The following TLK1 variants were observed in gnomAD, a reference collection of about 807,000 sequenced individuals.
TLK1 encodes serine/threonine-protein kinase tousled-like 1.
In TLK1, 24 loss-of-function variants were observed where a neutral mutation model predicts 105.3. The observed-to-expected ratio is 0.23, with a 90% CI of 0.17 to 0.32. The LOEUF (loss-of-function observed/expected upper bound fraction) is 0.32, where lower values mean the gene tolerates loss of function less well. TLK1 is among the 10% of genes least tolerant of loss of function. The pLI, the probability that TLK1 is intolerant of heterozygous loss-of-function variation, is 1.00. For synonymous variants in TLK1, 321 were observed against 310.4 expected (o/e 1.03, Z -0.36); for missense variants, 558 against 910.5 (o/e 0.61, Z 4.98).
intron 5 of TLK1, among the ~76,000 whole-genome samples, chr2:171,057,327 A>G (rs756580365): frequency 1.3e-5 from 2 of 152,058 alleles, no homozygotes; most frequent in Non-Finnish European, 2.9e-5. Flanking sequence ...CATGTTCATT[A>G]AACAACTTCC....
chr2:171,033,204 T>TCAAAA (rs369758345), intron 11 of TLK1, among the ~76,000 whole-genome samples: 71 of 151,938 alleles, frequency 4.7e-4, no homozygotes, highest in Non-Finnish European at 6.9e-4. Flanking sequence ...AGACCCTGTC[T>TCAAAA]CAAAACAAAA....
chr2:171,110,958 A>G (rs1449386138), intron 2 of TLK1, among the ~76,000 whole-genome samples: 3 of 152,324 alleles, frequency 2.0e-5, no homozygotes, highest in Non-Finnish European at 2.9e-5. Flanking sequence ...TTCTATATAC[A>G]AGTAAATAAA....
intron 14 of TLK1, among the ~76,000 whole-genome samples, chr2:171,007,505 T>C (rs935254219): frequency 1.3e-5 from 2 of 151,994 alleles, no homozygotes; most frequent in Non-Finnish European, 2.9e-5. Flanking sequence ...ATTAAAAAGT[T>C]CCTAACAGTT....
intron 2 of TLK1, among the ~76,000 whole-genome samples, chr2:171,113,161 A>G (rs997518487): frequency 3.3e-5 from 5 of 152,194 alleles, no homozygotes; most frequent in Admixed American, 6.6e-5. Context: ...CCAAAATATG[A>G]TAATATTTTT....
At chr2:171,228,101 A>G (rs1158046519) in intron 1 of TLK1, among the ~76,000 whole-genome samples, 1 of 152,182 alleles carries the variant, frequency 6.6e-6, no homozygotes, top group Non-Finnish European at 1.5e-5. Flanking sequence ...ACTTGAACCC[A>G]GGAGGCAGAG....
intron 1 of TLK1, among the ~76,000 whole-genome samples, chr2:171,120,248 G>GAAAAAAAAAAAAAAAAA (rs71008751): frequency 2.1e-5 from 1 of 47,048 alleles, no homozygotes; most frequent in Non-Finnish European, 3.8e-5. Context: ...GACTCCGTCA[G>GAAAAAAAAAAAAAAAAA]AAAAAAAAAA....
intron 1 of TLK1, among the ~76,000 whole-genome samples, chr2:171,224,496 C>T (rs1275059496): frequency 6.6e-6 from 1 of 151,918 alleles, no homozygotes; most frequent in South Asian, 2.1e-4. Flanking sequence ...TGCATTGAAA[C>T]TTTAGACTGC....
intron 1 of TLK1, among the ~76,000 whole-genome samples, chr2:171,215,152 G>A (rs1000081113): frequency 6.6e-6 from 1 of 152,048 alleles, no homozygotes; most frequent in Non-Finnish European, 1.5e-5. Flanking sequence ...TGTTGCCCAG[G>A]CTAGTCTCAA....
intron 10 of TLK1, among the ~76,000 whole-genome samples, chr2:171,047,089 TG>T: frequency 6.6e-6 from 1 of 151,908 alleles, no homozygotes; most frequent in Admixed American, 6.6e-5. Context: ...CTCTGAAAAA[TG>T]GGAAAGTAAC....
At chr2:171,003,719 TAC>T (rs1434111537) in intron 18 of TLK1, among the ~76,000 whole-genome samples, 2 of 152,246 alleles carry the variant, frequency 1.3e-5, no homozygotes, top group Non-Finnish European at 2.9e-5. Context: ...ATTATTACAG[TAC>T]ACAGTATGTG....
intron 1 of TLK1, among the ~76,000 whole-genome samples, chr2:171,182,437 A>G (rs1055208542): frequency 6.6e-6 from 1 of 152,176 alleles, no homozygotes; most frequent in Non-Finnish European, 1.5e-5. Context: ...AATTAGCTTC[A>G]CTTCTATGAT....
chr2:171,176,203 G>A (rs1441649042), intron 1 of TLK1, among the ~76,000 whole-genome samples: 1 of 152,166 alleles, frequency 6.6e-6, no homozygotes, highest in Non-Finnish European at 1.5e-5. Context: ...GCCTCCCGAA[G>A]TGTTGGGATC....
At chr2:171,165,332 A>G (rs75069704), upstream of TLK1, among the ~76,000 whole-genome samples, 464 of 152,336 alleles carry the variant, frequency 3.0e-3, 4 homozygotes, top group African/African-American at 0.01. Context: ...ATGACGATCA[A>G]TGAGCTGGGT....
chr2:171,118,704 G>A (rs1211153111), intron 1 of TLK1, among the ~76,000 whole-genome samples: 2 of 152,168 alleles, frequency 1.3e-5, no homozygotes, highest in Non-Finnish European at 2.9e-5. Context: ...CCCCAGAAGT[G>A]ACATAAATGA....
At chr2:171,141,436 C>T (rs1015670919) in intron 1 of TLK1, among the ~76,000 whole-genome samples, 15 of 152,134 alleles carry the variant, frequency 9.9e-5, no homozygotes, top group African/African-American at 2.7e-4. Flanking sequence ...TGCAGTCCTA[C>T]GTCACAGTTA....
At chr2:171,220,342 T>C (rs1270949461) in intron 1 of TLK1, among the ~76,000 whole-genome samples, 1 of 152,190 alleles carries the variant, frequency 6.6e-6, no homozygotes, top group Non-Finnish European at 1.5e-5. Flanking sequence ...CTCTTGATAT[T>C]CATGCCTTTT....
In TLK1 at chr2:171,012,619, T is replaced by C. The variant is rs144662912; in HGVS notation, c.1335-1165A>G. Among the ~76,000 whole-genome samples, 456 of 152,192 alleles carry C rather than the reference T, an allele frequency of 3.0e-3. 4 individuals are homozygous for C. Among genetic ancestry groups the C allele is most frequent in the African/African-American group, 0.01 (434 of 41,538 alleles). ...TCAGTCTCCCAATTAGCTAAGACTA[T>C]AGGCATGTGCCACCACGCCCAGCTA... On this transcript the variant is annotated intron_variant, in intron 13 of 20. Transcript: ENST00000431350.
At chr2:171,145,598 A>AC (rs1472789234) in intron 1 of TLK1, among the ~76,000 whole-genome samples, 1 of 151,934 alleles carries the variant, frequency 6.6e-6, no homozygotes, top group Non-Finnish European at 1.5e-5. Context: ...TCAAAAAAAA[A>AC]AAAACAAAAA....
chr2:171,230,714 C>A (rs1240120128), intron 1 of TLK1, among the ~76,000 whole-genome samples: 1 of 152,224 alleles, frequency 6.6e-6, no homozygotes, highest in African/African-American at 2.4e-5. Flanking sequence ...CCCAATTCAT[C>A]AGGCAACAGA....
Sources: allele counts gnomAD v4.1 joint callset (sites outside exome capture counted in the v4.1 genomes callset), GRCh38; gene constraint gnomAD v4.1.1; transcripts MANE v1.5; gene names NCBI Gene and HGNC (gene_info 2026-07-23, HGNC 2026-07-21).